The following MACROH2A2 variants were observed in gnomAD, a reference collection of about 807,000 sequenced individuals.
The protein encoded by MACROH2A2 is macroH2A.2 histone.
MACROH2A2 carries 6 observed loss-of-function variants against 37.6 expected under a neutral mutation model. The ratio of observed to expected loss-of-function variants is 0.16; its 90% confidence interval spans 0.09 to 0.32. MACROH2A2 has a LOEUF of 0.32. Ranked by LOEUF, MACROH2A2 falls within the 10% of genes least tolerant of loss-of-function variation. The pLI is 1.00. For missense variants in MACROH2A2, 290 were observed against 485.9 expected (o/e 0.60, Z 3.79); for synonymous variants, 192 against 202.7 (o/e 0.95, Z 0.45).
intron 2 of MACROH2A2, among the ~76,000 whole-genome samples, chr10:70,086,473 C>T (rs2072212352): frequency 1.3e-5 from 2 of 152,148 alleles, no homozygotes; most frequent in African/African-American, 4.8e-5. Context: ...TCGTCCTATG[C>T]TACGTTTGAT....
intron 2 of MACROH2A2, 41 bp from the exon 3 acceptor site, chr10:70,090,019 C>G: frequency 4.9e-6 from 6 of 1,220,892 alleles, no homozygotes; most frequent in Non-Finnish European, 7.3e-6. Context: ...AGCTCAGACC[C>G]CATTCTGTGA....
At chr10:70,068,296 C>T (rs149978317) in intron 1 of MACROH2A2, among the ~76,000 whole-genome samples, 67 of 152,278 alleles carry the variant, frequency 4.4e-4, no homozygotes, top group African/African-American at 1.6e-3. Flanking sequence ...TTCTTAATGT[C>T]TCCAGCATGT....
At chr10:70,073,493 G>A (rs1047953996) in intron 1 of MACROH2A2, among the ~76,000 whole-genome samples, 5 of 152,152 alleles carry the variant, frequency 3.3e-5, no homozygotes, top group Non-Finnish European at 7.4e-5. Context: ...ATCTTTGCTT[G>A]TACCTAACTG....
At chr10:70,105,152 G>A (rs2072329426) in intron 7 of MACROH2A2, among the ~76,000 whole-genome samples, 1 of 152,208 alleles carries the variant, frequency 6.6e-6, no homozygotes, top group Admixed American at 6.5e-5. Flanking sequence ...GCACCTGCCT[G>A]CCAGTGACTG....
chr10:70,097,812 T>G (rs1486326631), intron 6 of MACROH2A2, among the ~76,000 whole-genome samples: 1 of 152,238 alleles, frequency 6.6e-6, no homozygotes, highest in East Asian at 1.9e-4. Context: ...GTCAAGTTTC[T>G]TAAACATTTG....
intron 1 of MACROH2A2, among the ~76,000 whole-genome samples, chr10:70,070,682 G>A (rs183300976): frequency 9.2e-5 from 14 of 152,102 alleles, no homozygotes; most frequent in Admixed American, 4.6e-4. Context: ...TAGTAGAGTC[G>A]GGGTTTCATC....
At chr10:70,065,369 G>A (rs547999525) in intron 1 of MACROH2A2, among the ~76,000 whole-genome samples, 115 of 152,190 alleles carry the variant, frequency 7.6e-4, no homozygotes, top group African/African-American at 2.6e-3. Context: ...AAGCCACCGC[G>A]CCCGGCCTTG....
intron 1 of MACROH2A2, among the ~76,000 whole-genome samples, chr10:70,065,297 G>A (rs1180682038): frequency 2.0e-5 from 3 of 152,116 alleles, no homozygotes; most frequent in East Asian, 1.9e-4. Context: ...GGCTGGTCTC[G>A]AACTCCTGAC....
At chr10:70,061,638 A>G (rs1308428570) in intron 1 of MACROH2A2, among the ~76,000 whole-genome samples, 1 of 151,942 alleles carries the variant, frequency 6.6e-6, no homozygotes, top group East Asian at 1.9e-4. Context: ...GTGACCACAC[A>G]TGCTCTGCCT....
intron 1 of MACROH2A2, among the ~76,000 whole-genome samples, chr10:70,067,394 A>G (rs1222034240): frequency 6.6e-6 from 1 of 152,220 alleles, no homozygotes; most frequent in Non-Finnish European, 1.5e-5. Flanking sequence ...AGGTTTTCAG[A>G]AAAAAACAAT....
Position 70,111,566 on chromosome 10 carries a change from C to A in MACROH2A2, c.1002C>A (p.Ile334=). The part of the protein sequence containing the change: ...QTAAQVTLKA[I]SAHFDDSSAS... ...CGGCCCAGGTGACCCTCAAAGCCATCTCAGCCCACTTTGATGACTCGAGCG... is the reference window on the plus strand; with the variant it reads ...CGGCCCAGGTGACCCTCAAAGCCATATCAGCCCACTTTGATGACTCGAGCG... The change falls in exon 9 of 9, where the codon ATC becomes ATA. Residue 334 remains isoleucine (I), a synonymous_variant. Transcript: ENST00000373255. 1 of 1,613,870 alleles carries A rather than the reference C, an allele frequency of 6.2e-7. No individual in the cohort carries two copies. Among genetic ancestry groups the A allele is most frequent in the Non-Finnish European group, 8.5e-7 (1 of 1,179,904 alleles).
At chr10:70,097,346 G>A (rs935899034) in intron 6 of MACROH2A2, among the ~76,000 whole-genome samples, 14 of 152,284 alleles carry the variant, frequency 9.2e-5, no homozygotes, top group Admixed American at 9.1e-4. Flanking sequence ...CCATAGGGGT[G>A]CTGTGATGGG....
At chr10:70,079,031 C>T (rs114148556) in intron 2 of MACROH2A2, among the ~76,000 whole-genome samples, 1 of 152,230 alleles carries the variant, frequency 6.6e-6, no homozygotes, top group African/African-American at 2.4e-5. Context: ...CTAACTTGGT[C>T]CTTCCCATTG....
intron 2 of MACROH2A2, among the ~76,000 whole-genome samples, chr10:70,082,523 G>T (rs1469133379): frequency 2.0e-5 from 3 of 152,192 alleles, no homozygotes; most frequent in Admixed American, 6.5e-5. Flanking sequence ...GCAGCCGAAA[G>T]GTGGAAGCAA....
chr10:70,054,545 C>CA (rs2072002167), intron 1 of MACROH2A2, among the ~76,000 whole-genome samples: 1 of 152,206 alleles, frequency 6.6e-6, no homozygotes, highest in Admixed American at 6.5e-5. Flanking sequence ...CTGGGCTGCA[C>CA]AGTTGCTACT....
At chr10:70,078,505 C>T (rs550140312) in intron 2 of MACROH2A2, among the ~76,000 whole-genome samples, 1 of 152,320 alleles carries the variant, frequency 6.6e-6, no homozygotes, top group South Asian at 2.1e-4. Flanking sequence ...GCTCAGATGT[C>T]GGTTCCAATC....
Position 70,089,987 on chromosome 10 carries a change from G to A in MACROH2A2, c.173-73G>A, listed in dbSNP as rs375318946. On this transcript the variant is annotated intron_variant, in intron 2 of 8. Coordinates refer to ENST00000373255, the MANE Select transcript of MACROH2A2 (RefSeq NM_018649.3). ...TGAATGAATGTGATCAAACTTGAAG[G>A]CCATTTCTAAAGAAAAGCTTTAGCT... 209 of 918,814 alleles carry A rather than the reference G, an allele frequency of 2.3e-4. 1 individual carries two copies. In the African/African-American group the frequency reaches 3.0e-3, roughly 13 times the overall value. 56.9% of individuals were successfully genotyped at this position (918,814 alleles called of 1,614,324 possible). A position where few individuals can be genotyped will look rare whatever the true frequency, so the allele number is the denominator to read the frequency against.
intron 2 of MACROH2A2, among the ~76,000 whole-genome samples, chr10:70,086,023 G>T (rs1421509421): frequency 4.0e-5 from 6 of 150,706 alleles, no homozygotes; most frequent in African/African-American, 1.5e-4. Context: ...TTAGAGGCAG[G>T]GTCTCCTCTG....
intron 2 of MACROH2A2, among the ~76,000 whole-genome samples, chr10:70,079,949 G>A (rs1352714398): frequency 6.6e-6 from 1 of 152,166 alleles, no homozygotes; most frequent in Non-Finnish European, 1.5e-5. Context: ...AGATTGAGGT[G>A]TGGACTTGGA....
Sources: allele counts gnomAD v4.1 joint callset (sites outside exome capture counted in the v4.1 genomes callset), GRCh38; gene constraint gnomAD v4.1.1; transcripts MANE v1.5; gene names NCBI Gene and HGNC (gene_info 2026-07-23, HGNC 2026-07-21).